ERBB4: variants seen among roughly 807,000 people sequenced by gnomAD.
The protein encoded by ERBB4 is erb-b2 receptor tyrosine kinase 4, also known as receptor tyrosine-protein kinase erbB-4.
ERBB4 carries 42 observed loss-of-function variants against 158.0 expected under a neutral mutation model. That is an observed-to-expected ratio of 0.27 (90% CI 0.21 to 0.34). The LOEUF (loss-of-function observed/expected upper bound fraction) is 0.34, where lower values mean the gene tolerates loss of function less well. Among genes scored for constraint, ERBB4 ranks in the 10% least tolerant of loss-of-function variants. ERBB4 has a pLI of 1.00. For missense variants in ERBB4, 1,333 were observed against 1,624.1 expected (o/e 0.82, Z 3.08); for synonymous variants, 583 against 558.7 (o/e 1.04, Z -0.61).
At chr2:212,503,258 A>G (rs1690999020) in intron 1 of ERBB4, among the ~76,000 whole-genome samples, 1 of 152,210 alleles carries the variant, frequency 6.6e-6, no homozygotes, top group African/African-American at 2.4e-5. Flanking sequence ...AACTACTACA[A>G]GTTATATCAT....
At chr2:211,756,960 AG>A (rs2075300164) in intron 4 of ERBB4, among the ~76,000 whole-genome samples, 1 of 152,242 alleles carries the variant, frequency 6.6e-6, no homozygotes, top group African/African-American at 2.4e-5. Context: ...TTTCTCCAGC[AG>A]TACTAAAATA....
intron 1 of ERBB4, among the ~76,000 whole-genome samples, chr2:212,357,090 A>C (rs916489420): frequency 6.6e-6 from 1 of 151,916 alleles, no homozygotes; most frequent in Non-Finnish European, 1.5e-5. Context: ...TTATCCTTCA[A>C]AAATTATGTG....
At chr2:211,515,896 T>TATATATA (rs1553555027) in intron 20 of ERBB4, among the ~76,000 whole-genome samples, 2 of 88,946 alleles carry the variant, frequency 2.2e-5, no homozygotes, top group African/African-American at 1.0e-4. Context: ...AAAACATATA[T>TATATATA]TATATATATA....
At position 211,518,006 on chromosome 2, in the gene ERBB4, G is replaced by A. The variant is rs867114125; in HGVS notation, c.2487+43897C>T. Among the ~76,000 whole-genome samples, 8 of 152,102 alleles carry A rather than the reference G, an allele frequency of 5.3e-5. 1 individual carries two copies. The South Asian group carries it at 1.7e-3, about 32-fold the overall frequency. ...TTCTGCCTGGTCTTATTGTACAAGT[G>A]TAATTATTTGTCCTCACTAATCACA... On this transcript the variant is annotated intron_variant, in intron 20 of 27. Coordinates refer to ENST00000342788, the MANE Select transcript of ERBB4 (RefSeq NM_005235.3).
chr2:211,671,233 A>C (rs1023871981), intron 14 of ERBB4, among the ~76,000 whole-genome samples: 1 of 152,194 alleles, frequency 6.6e-6, no homozygotes, highest in Non-Finnish European at 1.5e-5. Context: ...TATGCAAATA[A>C]TGCAACTTCT....
chr2:212,025,388 G>C (rs1239452763), intron 2 of ERBB4, among the ~76,000 whole-genome samples: 1 of 151,780 alleles, frequency 6.6e-6, no homozygotes, highest in East Asian at 1.9e-4. Flanking sequence ...GATTTCAATA[G>C]TTGTACTTTG....
chr2:211,886,917 T>A (rs2078816676), intron 3 of ERBB4, among the ~76,000 whole-genome samples: 2 of 152,216 alleles, frequency 1.3e-5, no homozygotes, highest in Non-Finnish European at 2.9e-5. Context: ...GGATTCACAG[T>A]GGGTTCTCTG....
intron 12 of ERBB4, among the ~76,000 whole-genome samples, chr2:211,684,698 A>G (rs749907855): frequency 6.6e-6 from 1 of 152,166 alleles, no homozygotes; most frequent in Non-Finnish European, 1.5e-5. Context: ...CATGTCCTGC[A>G]TGCCAGAGAA....
At chr2:212,499,106 A>G (rs921890445) in intron 1 of ERBB4, among the ~76,000 whole-genome samples, 4 of 152,040 alleles carry the variant, frequency 2.6e-5, no homozygotes, top group African/African-American at 9.7e-5. Context: ...GATTATATTC[A>G]TAAAATGAAA....
At chr2:212,361,869 G>A (rs939848708) in intron 1 of ERBB4, among the ~76,000 whole-genome samples, 8 of 151,716 alleles carry the variant, frequency 5.3e-5, no homozygotes, top group Non-Finnish European at 7.4e-5. Context: ...GTTTCACTCT[G>A]CGTTTTAAAA....
rs146192307 is a variant in ERBB4, at chr2:211,783,854, G to T, written c.556+4171C>A. Among the ~76,000 whole-genome samples the T allele has an allele frequency of 2.6e-5, 4 of 152,198 alleles. No individual in the cohort carries two copies. The East Asian group carries it at 7.7e-4, about 29-fold the overall frequency. Reference sequence around the variant, plus strand: ...CTTTTTTTTGTTGTTTCTCTGCCAGGCTTTGGTATCAGGATGATGCTGGCC... The same window carrying T: ...CTTTTTTTTGTTGTTTCTCTGCCAGTCTTTGGTATCAGGATGATGCTGGCC... On this transcript the variant is annotated intron_variant, in intron 4 of 27. Coordinates refer to ENST00000342788, the MANE Select transcript of ERBB4 (RefSeq NM_005235.3).
Position 211,639,508 on chromosome 2 carries a change from T to C in ERBB4, c.1947-8914A>G, listed in dbSNP as rs941189130. 2.0e-5 allele frequency among the ~76,000 whole-genome samples: 3 copies of C among 152,216 alleles called. No individual in the cohort carries two copies. The East Asian group carries it at 5.8e-4, about 29-fold the overall frequency. ...AGGGATAAATCATGGCTGGCACCAT[T>C]CTTGTTCCCATATTTAAAAAGTTTT... is the stretch of plus-strand genomic sequence containing the variant. On this transcript the variant is annotated intron_variant, in intron 16 of 27. Coordinates refer to ENST00000342788, the MANE Select transcript of ERBB4 (RefSeq NM_005235.3).
intron 2 of ERBB4, among the ~76,000 whole-genome samples, chr2:212,096,388 C>T (rs1318699988): frequency 2.0e-5 from 3 of 151,948 alleles, no homozygotes; most frequent in Middle Eastern, 3.4e-3. Context: ...ACAGGATATC[C>T]TTAGAGAACT....
At chr2:211,928,665 A>C (rs1171805371) in intron 3 of ERBB4, among the ~76,000 whole-genome samples, 2 of 152,186 alleles carry the variant, frequency 1.3e-5, no homozygotes, top group African/African-American at 4.8e-5. Context: ...GTCCAGCTTC[A>C]GTTTAAAAGG....
intron 20 of ERBB4, among the ~76,000 whole-genome samples, chr2:211,512,690 A>G (rs879864698): frequency 1.7e-4 from 26 of 152,262 alleles, no homozygotes; most frequent in African/African-American, 6.3e-4. Context: ...AAATTTTTAC[A>G]AAACAGTTAA....
intron 1 of ERBB4, among the ~76,000 whole-genome samples, chr2:212,181,272 C>G (rs1373438784): frequency 6.6e-6 from 1 of 151,614 alleles, no homozygotes; most frequent in Non-Finnish European, 1.5e-5. Context: ...TAGCTTTATA[C>G]ACATCAAATA....
intron 17 of ERBB4, among the ~76,000 whole-genome samples, chr2:211,627,585 T>C (rs1199388816): frequency 6.6e-6 from 1 of 152,212 alleles, no homozygotes; most frequent in Non-Finnish European, 1.5e-5. Flanking sequence ...TAATTCATTA[T>C]CGGTATGCAA....
rs114117744 is a variant in ERBB4 at position 212,101,086 on chromosome 2, G to A, written c.234+23666C>T. Among the ~76,000 whole-genome samples the A allele has an allele frequency of 6.3e-3, 955 of 151,956 alleles. 17 individuals are homozygous for A. Among genetic ancestry groups the A allele is most frequent in the South Asian group, 0.06 (290 of 4,812 alleles). On this transcript the variant is annotated intron_variant, in intron 2 of 27. Transcript: ENST00000342788. ...CAAGGGACCAGTTCTTGATAGACGA[G>A]TCTATCAGGAAGTCAATATTTTTAT... is the stretch of plus-strand genomic sequence containing the variant.
chr2:211,981,317 G>T (rs554485391), intron 2 of ERBB4, among the ~76,000 whole-genome samples: 16 of 152,178 alleles, frequency 1.1e-4, no homozygotes, highest in African/African-American at 3.9e-4. Context: ...TATTATCTTC[G>T]ATTAAAAGGT....
Sources: gnomAD v4.1 joint callset for allele counts (sites outside exome capture counted in the v4.1 genomes callset) on GRCh38, gnomAD v4.1.1 for gene constraint, MANE v1.5 for transcripts, NCBI Gene and HGNC (gene_info 2026-07-23, HGNC 2026-07-21) for gene names.